PTCHD1: variants seen among roughly 807,000 people sequenced by gnomAD.
PTCHD1 encodes the protein patched domain-containing protein 1.
In PTCHD1, 3 loss-of-function variants were observed where a neutral mutation model predicts 34.6. The observed-to-expected ratio is 0.09, with a 90% CI of 0.04 to 0.22. The LOEUF (loss-of-function observed/expected upper bound fraction) is 0.22. Among genes scored for constraint, PTCHD1 ranks in the 10% least tolerant of loss-of-function variants. PTCHD1 has a pLI of 1.00. For missense variants in PTCHD1, 504 were observed against 685.5 expected, an observed-to-expected ratio of 0.74 and a Z score of 2.96; for synonymous variants, 305 against 283.1, an observed-to-expected ratio of 1.08 and a Z score of -0.77.
chrX:23,377,467 C>T (rs1922439138), intron 1 of PTCHD1, among the ~76,000 whole-genome samples: 1 of 111,424 alleles, frequency 9.0e-6, no homozygotes, highest in Non-Finnish European at 1.9e-5. Flanking sequence ...TTGATAAAAA[C>T]ACACTTTCAC....
At chrX:23,334,787 TGCCGCCGCC>T (rs879170954), upstream of PTCHD1, 426 of 351,610 alleles carry the variant, frequency 1.2e-3, no homozygotes, top group Admixed American at 2.9e-3. Flanking sequence ...CGGGCGCCGC[TGCCGCCGCC>T]GCCGCCGCCG....
rs1382576236 is a variant in PTCHD1 at position 23,400,864 on chromosome X, GTTTT to G, written c.*6685_*6688del. The G allele has an allele frequency of 9.0e-6, 1 of 110,809 alleles. No homozygotes were observed. Among genetic ancestry groups the G allele is most frequent in the African/African-American group, 3.3e-5 (1 of 30,383 alleles). 9.1% of individuals were successfully genotyped at this position (110,809 alleles called of 1,213,427 possible). A position where few individuals can be genotyped will look rare whatever the true frequency, so the allele number is the denominator to read the frequency against. On this transcript the variant is annotated 3_prime_UTR_variant, in exon 3 of 3. Transcript: ENST00000379361. ...GTTTGTCTTTTTTGTTTGTTTGTTTGTTTTTTTTTGAGATGGAGTCTCACTCTGT... is the reference window on the plus strand; with the variant it reads ...GTTTGTCTTTTTTGTTTGTTTGTTTGTTTTTGAGATGGAGTCTCACTCTGT...
At chrX:23,386,928 A>T (rs142638291) in intron 2 of PTCHD1, among the ~76,000 whole-genome samples, 1,435 of 112,480 alleles carry the variant, frequency 0.013, 20 homozygotes, top group African/African-American at 0.044. Flanking sequence ...GGAACTCAGG[A>T]TGAGGAAATC....
chrX:23,349,347 A>G (rs994522667), intron 1 of PTCHD1, among the ~76,000 whole-genome samples: 3 of 112,133 alleles, frequency 2.7e-5, no homozygotes, highest in African/African-American at 9.7e-5. Flanking sequence ...TAAATATACA[A>G]AGTAAAAGAT....
chrX:23,348,282 A>AAC (rs1415675477), intron 1 of PTCHD1, among the ~76,000 whole-genome samples: 3 of 110,307 alleles, frequency 2.7e-5, no homozygotes, highest in African/African-American at 9.9e-5. Flanking sequence ...AAAAAAAAAA[A>AAC]CCCAAACGGA....
chrX:23,394,396 TCACACACACATAGACACA>T lies in PTCHD1; in HGVS notation c.*222_*239del. The T allele has an allele frequency of 4.0e-6, 1 of 251,728 alleles. No individual in the cohort carries two copies. The highest frequency in any genetic ancestry group is 6.8e-6 in the Non-Finnish European group (1 of 147,075). The allele number at this position is 251,728 out of a possible 1,213,427, so 20.7% of individuals were successfully genotyped here. A position where few individuals can be genotyped will look rare whatever the true frequency, so the allele number is the denominator to read the frequency against. Reference sequence around the variant, plus strand: ...AAAACAAAGGAGTTGTTATGAGAATTCACACACACATAGACACACACACACACACACACACACACACAC... The same window carrying T: ...AAAACAAAGGAGTTGTTATGAGAATTCACACACACACACACACACACACAC... On this transcript the variant is annotated 3_prime_UTR_variant, in exon 3 of 3. Coordinates refer to ENST00000379361, the MANE Select transcript of PTCHD1 (RefSeq NM_173495.3).
At position 23,394,717 on chromosome X, in the gene PTCHD1, C is replaced by T. The variant is rs1345767233; in HGVS notation, c.*532C>T. 1 of 114,572 alleles carries T rather than the reference C, an allele frequency of 8.7e-6. No individual in the cohort carries two copies. Among genetic ancestry groups the T allele is most frequent in the Non-Finnish European group, 1.8e-5 (1 of 54,476 alleles). The allele number at this position is 114,572 out of a possible 1,213,427, so 9.4% of individuals were successfully genotyped here. On this transcript the variant is annotated 3_prime_UTR_variant, in exon 3 of 3. Coordinates refer to ENST00000379361, the MANE Select transcript of PTCHD1 (RefSeq NM_173495.3). ...TAGCTCCCTAACACTGAAGGAGATA[C>T]TTGTGAAAGTTCTGACCAGCAAAAG...
chrX:23,390,531 G>C (rs1922803864), intron 2 of PTCHD1, among the ~76,000 whole-genome samples: 1 of 111,409 alleles, frequency 9.0e-6, no homozygotes, highest in Non-Finnish European at 1.9e-5. Context: ...TTAACAACAG[G>C]ATGCCAGTCA....
intron 1 of PTCHD1, among the ~76,000 whole-genome samples, chrX:23,369,171 G>T (rs977950114): frequency 8.9e-6 from 1 of 112,007 alleles, no homozygotes; most frequent in Non-Finnish European, 1.9e-5. Context: ...AGCTGTTTGC[G>T]CATGCTTGTC....
chrX:23,363,602 C>T (rs773389988), intron 1 of PTCHD1, among the ~76,000 whole-genome samples: 3 of 112,986 alleles, frequency 2.7e-5, no homozygotes, highest in African/African-American at 9.6e-5. Context: ...TGACCCCTTG[C>T]GCTTCCTGGG....
At chrX:23,378,571 G>A (rs974383091) in intron 1 of PTCHD1, among the ~76,000 whole-genome samples, 1 of 111,976 alleles carries the variant, frequency 8.9e-6, no homozygotes, top group Non-Finnish European at 1.9e-5. Flanking sequence ...ATGGTGAGGG[G>A]CCAAGAGCAC....
At position 23,392,780 on chromosome X, in the gene PTCHD1, A is replaced by T; in HGVS notation, c.1262A>T (p.Tyr421Phe). 8 of 1,211,496 alleles carry T rather than the reference A, an allele frequency of 6.6e-6. No individual in the cohort carries two copies. Among genetic ancestry groups the T allele is most frequent in the Non-Finnish European group, 8.9e-6 (8 of 895,121 alleles). ...FFNYLYVLSF[Y>F]GSSLVFTGYI... is the part of the protein sequence containing the mutation. ...AACTACCTCTATGTACTCTCGTTTTATGGTTCCAGCCTAGTGTTCACTGGC... is the reference window on the plus strand; with the variant it reads ...AACTACCTCTATGTACTCTCGTTTTTTGGTTCCAGCCTAGTGTTCACTGGC... Residue 421 changes from tyrosine (Y) to phenylalanine (F), a missense_variant, in exon 3 of 3, where the codon TAT (tyrosine) becomes TTT (phenylalanine). Transcript: ENST00000379361.
intron 2 of PTCHD1, 47 bp downstream of exon 2, chrX:23,380,298 G>T (rs1922529568): frequency 8.9e-6 from 10 of 1,124,700 alleles, no homozygotes; most frequent in Non-Finnish European, 1.2e-5. Flanking sequence ...TGGTGGTGTT[G>T]ACTAGGTTCC....
chrX:23,394,519 G>A lies in PTCHD1; in HGVS notation c.*334G>A, dbSNP rs751057856. The A allele has an allele frequency of 1.1e-5, 2 of 180,889 alleles. No individual in the cohort carries two copies. Among genetic ancestry groups the A allele is most frequent in the South Asian group, 3.1e-4 (2 of 6,464 alleles). 14.9% of individuals were successfully genotyped at this position (180,889 alleles called of 1,213,427 possible). A position where few individuals can be genotyped will look rare whatever the true frequency, so the allele number is the denominator to read the frequency against. On this transcript the variant is annotated 3_prime_UTR_variant, in exon 3 of 3. Transcript: ENST00000379361. ...AAAGCTTATTAACAAGCAGGATCCT[G>A]CCTTATCCAAACTGCAGATGTTGCT...
intron 2 of PTCHD1, among the ~76,000 whole-genome samples, chrX:23,391,851 T>A (rs1408458313): frequency 9.0e-6 from 1 of 110,571 alleles, no homozygotes; most frequent in Non-Finnish European, 1.9e-5. Flanking sequence ...TATGCACAAG[T>A]CTAATCAGCT....
At chrX:23,337,630 CG>C (rs1477400500) in intron 1 of PTCHD1, among the ~76,000 whole-genome samples, 1 of 110,480 alleles carries the variant, frequency 9.1e-6, no homozygotes, top group African/African-American at 3.3e-5. Flanking sequence ...TCTGATGCTT[CG>C]TTACTGGCAT....
intron 1 of PTCHD1, among the ~76,000 whole-genome samples, chrX:23,368,267 A>AT (rs1164633031): frequency 8.9e-6 from 1 of 111,765 alleles, no homozygotes; most frequent in East Asian, 2.8e-4. Context: ...CTCTGCTCTT[A>AT]TTTTTTTAGA....
rs138151285 is a variant in PTCHD1 at position 23,374,530 on chromosome X, C to T, written c.352-5061C>T. ...ACCAAGCAGCCCACACTGGCTTTGT[C>T]CCAGGATCTGGCAGAAGGGGATTAT... On this transcript the variant is annotated intron_variant, in intron 1 of 2. Transcript: ENST00000379361. Among the ~76,000 whole-genome samples, 428 of 110,518 alleles carry T rather than the reference C, an allele frequency of 3.9e-3. 5 individuals carry two copies. Among genetic ancestry groups the T allele is most frequent in the African/African-American group, 0.013 (411 of 30,489 alleles).
At chrX:23,371,957 T>C (rs946806143) in intron 1 of PTCHD1, among the ~76,000 whole-genome samples, 1 of 111,508 alleles carries the variant, frequency 9.0e-6, no homozygotes, top group African/African-American at 3.3e-5. Context: ...CATGAGATTA[T>C]TATATTCATG....
Sources: allele counts gnomAD v4.1 joint callset (sites outside exome capture counted in the v4.1 genomes callset), GRCh38; gene constraint gnomAD v4.1.1; transcripts MANE v1.5; gene names NCBI Gene and HGNC (gene_info 2026-07-23, HGNC 2026-07-21).